The following AFG2A variants were observed in gnomAD, a reference collection of about 807,000 sequenced individuals.
AFG2A encodes the protein ATPase family gene 2 protein homolog A.
chr4:123,257,133 C>G, the AFG2A span, among the ~76,000 whole-genome samples: 1 of 152,048 alleles, frequency 6.6e-6, no homozygotes, highest in African/African-American at 2.4e-5. Flanking sequence ...AGTGGTACTC[C>G]GAGAGTCTAT....
the AFG2A span, among the ~76,000 whole-genome samples, chr4:123,066,737 AC>A: frequency 6.6e-6 from 1 of 152,194 alleles, no homozygotes; most frequent in Non-Finnish European, 1.5e-5. Context: ...TTTCTGGTAA[AC>A]AGTTTTTTCC....
At chr4:123,282,270 C>T in the AFG2A span, among the ~76,000 whole-genome samples, 1 of 152,156 alleles carries the variant, frequency 6.6e-6, no homozygotes, top group Non-Finnish European at 1.5e-5. Flanking sequence ...TGAGCCTTTC[C>T]TCATCTCCAC....
chr4:122,954,526 A>T, the AFG2A span, among the ~76,000 whole-genome samples: 10 of 152,152 alleles, frequency 6.6e-5, no homozygotes, highest in Non-Finnish European at 1.5e-4. Flanking sequence ...GGGTCCCTGG[A>T]CTTAGGAAGA....
At chr4:123,215,406 C>A in the AFG2A span, among the ~76,000 whole-genome samples, 1 of 151,904 alleles carries the variant, frequency 6.6e-6, no homozygotes, top group African/African-American at 2.4e-5. Context: ...TATTTCTAGA[C>A]CTCATTTGTA....
At chr4:123,221,209 G>A in the AFG2A span, among the ~76,000 whole-genome samples, 3,540 of 152,276 alleles carry the variant, frequency 0.023, 71 homozygotes, top group African/African-American at 0.055. Flanking sequence ...AGGCTGGGGT[G>A]CGGTGGCACA....
At chr4:123,291,349 T>G in the AFG2A span, among the ~76,000 whole-genome samples, 1 of 152,214 alleles carries the variant, frequency 6.6e-6, no homozygotes, top group Admixed American at 6.5e-5. Flanking sequence ...TGAGGTACAA[T>G]TCTAATGATC....
the AFG2A span, among the ~76,000 whole-genome samples, chr4:123,049,312 G>A: frequency 6.6e-6 from 1 of 151,682 alleles, no homozygotes; most frequent in African/African-American, 2.4e-5. Context: ...GATATTGATA[G>A]TTTTTTTTAT....
At chr4:123,255,591 A>G in the AFG2A span, among the ~76,000 whole-genome samples, 7 of 152,014 alleles carry the variant, frequency 4.6e-5, no homozygotes, top group African/African-American at 1.2e-4. Context: ...TAAGGAAGTT[A>G]CAAAAAAAAT....
At chr4:123,126,715 G>C in the AFG2A span, among the ~76,000 whole-genome samples, 3 of 152,108 alleles carry the variant, frequency 2.0e-5, no homozygotes, top group Non-Finnish European at 4.4e-5. Flanking sequence ...GGATGTGTTT[G>C]CTTACTTTTC....
the AFG2A span, among the ~76,000 whole-genome samples, chr4:123,001,081 T>G: frequency 5.6e-5 from 8 of 141,902 alleles, no homozygotes; most frequent in Admixed American, 5.8e-4. Context: ...GATTTTCTAG[T>G]TTATTTGCGT....
the AFG2A span, among the ~76,000 whole-genome samples, chr4:123,188,819 TA>T: frequency 6.6e-6 from 1 of 152,240 alleles, no homozygotes; most frequent in Admixed American, 6.5e-5. Flanking sequence ...AGTATTGGTT[TA>T]TTGGGCCCGA....
At chr4:123,147,002 C>T in the AFG2A span, among the ~76,000 whole-genome samples, 1 of 152,268 alleles carries the variant, frequency 6.6e-6, no homozygotes, top group African/African-American at 2.4e-5. Context: ...AACAATTTTT[C>T]CTTCCTTTAT....
At chr4:123,070,310 G>T in the AFG2A span, among the ~76,000 whole-genome samples, 1,840 of 152,050 alleles carry the variant, frequency 0.012, 43 homozygotes, top group African/African-American at 0.041. Flanking sequence ...CTGCTATCTA[G>T]TGACATTTTC....
At chr4:123,212,241 G>C in the AFG2A span, among the ~76,000 whole-genome samples, 2 of 151,498 alleles carry the variant, frequency 1.3e-5, no homozygotes. Context: ...CCTTTTTCTT[G>C]TCCTGATTAA....
the AFG2A span, among the ~76,000 whole-genome samples, chr4:122,986,407 A>G: frequency 5.3e-5 from 8 of 152,272 alleles, no homozygotes; most frequent in South Asian, 4.1e-4. Context: ...GTTGCTGTCT[A>G]TCTCATTTCT....
chr4:123,000,652 G>A, the AFG2A span, among the ~76,000 whole-genome samples: 3 of 90,254 alleles, frequency 3.3e-5, no homozygotes, highest in Non-Finnish European at 7.7e-5. Flanking sequence ...CAGGGATGAA[G>A]CCCACTTGAT....
chr4:123,313,251 C>G, the AFG2A span, among the ~76,000 whole-genome samples: 2 of 152,186 alleles, frequency 1.3e-5, no homozygotes, highest in Admixed American at 6.5e-5. Context: ...ATTCTTCCAG[C>G]TTTCCTGGCT....
chr4:123,005,911 G>T, the AFG2A span, among the ~76,000 whole-genome samples: 1 of 152,124 alleles, frequency 6.6e-6, no homozygotes, highest in South Asian at 2.1e-4. Flanking sequence ...GCACTAAACA[G>T]AGTATTTTCT....
chr4:123,237,846 G>A, the AFG2A span, among the ~76,000 whole-genome samples: 112 of 152,162 alleles, frequency 7.4e-4, no homozygotes, highest in African/African-American at 2.4e-3. Context: ...TGCAGCCCAC[G>A]GAGAGTGAAC....
Sources: allele counts gnomAD v4.1 joint callset (sites outside exome capture counted in the v4.1 genomes callset), GRCh38; gene constraint gnomAD v4.1.1; transcripts MANE v1.5; gene names NCBI Gene and HGNC (gene_info 2026-07-23, HGNC 2026-07-21).